Variants in ASIC2 observed in about 807,000 individuals in gnomAD.
The protein encoded by ASIC2 is acid-sensing ion channel 2.
ASIC2 carries 25 observed loss-of-function variants against 57.3 expected under a neutral mutation model. The observed-to-expected ratio is 0.44, with a 90% CI of 0.32 to 0.61. The LOEUF (loss-of-function observed/expected upper bound fraction) is 0.61. Ranked by LOEUF, ASIC2 falls within the 20% of genes least tolerant of loss-of-function variation. The probability of loss-of-function intolerance (pLI) is 0.06; values close to 1 mark genes in which losing one functional copy is unlikely to be tolerated. For synonymous variants in ASIC2, 319 were observed against 307.5 expected (o/e 1.04, Z -0.39); for missense variants, 641 against 738.1 (o/e 0.87, Z 1.52).
intron 1 of ASIC2, among the ~76,000 whole-genome samples, chr17:33,803,740 T>A (rs1225949105): frequency 6.6e-6 from 1 of 152,078 alleles, no homozygotes; most frequent in Non-Finnish European, 1.5e-5. Context: ...ACAAGATAAA[T>A]GTGTTCTCCA....
intron 1 of ASIC2, among the ~76,000 whole-genome samples, chr17:33,608,959 A>C (rs1387341644): frequency 6.6e-6 from 1 of 152,156 alleles, no homozygotes; most frequent in Non-Finnish European, 1.5e-5. Flanking sequence ...CTAAAGCAAC[A>C]GGTATCTTAC....
At chr17:33,816,975 C>A (rs1912601798) in intron 1 of ASIC2, among the ~76,000 whole-genome samples, 2 of 152,256 alleles carry the variant, frequency 1.3e-5, no homozygotes, top group African/African-American at 4.8e-5. Context: ...GCCTGCCTGC[C>A]CTCACGGCTG....
At chr17:33,675,315 G>A (rs1055067610) in intron 1 of ASIC2, among the ~76,000 whole-genome samples, 5 of 152,160 alleles carry the variant, frequency 3.3e-5, no homozygotes, top group Non-Finnish European at 5.9e-5. Flanking sequence ...TGTGTTGTAG[G>A]AATGTGAGAG....
chr17:33,108,093 C>T (rs1446358897), intron 2 of ASIC2, among the ~76,000 whole-genome samples: 2 of 152,266 alleles, frequency 1.3e-5, no homozygotes, highest in East Asian at 3.9e-4. Context: ...TCCTGTAAAG[C>T]CAGTGGGTTT....
At chr17:33,338,676 T>G (rs1424763029) in intron 1 of ASIC2, among the ~76,000 whole-genome samples, 1 of 152,206 alleles carries the variant, frequency 6.6e-6, no homozygotes, top group East Asian at 1.9e-4. Flanking sequence ...TTCAATGATT[T>G]GTGGGTCTCC....
intron 1 of ASIC2, among the ~76,000 whole-genome samples, chr17:33,371,811 G>A (rs1454664353): frequency 6.6e-6 from 1 of 152,178 alleles, no homozygotes; most frequent in Non-Finnish European, 1.5e-5. Flanking sequence ...CTTAGAGATT[G>A]TTCTTTAGGG....
intron 1 of ASIC2, among the ~76,000 whole-genome samples, chr17:33,822,522 T>G (rs1003550388): frequency 6.6e-6 from 1 of 152,254 alleles, no homozygotes; most frequent in African/African-American, 2.4e-5. Context: ...TTTTTCACTC[T>G]TTTCTAATAT....
chr17:33,350,345 C>A (rs184765133), intron 1 of ASIC2, among the ~76,000 whole-genome samples: 1 of 152,140 alleles, frequency 6.6e-6, no homozygotes, highest in Non-Finnish European at 1.5e-5. Flanking sequence ...CCTGTGTTCA[C>A]GATCCTTGGG....
intron 1 of ASIC2, among the ~76,000 whole-genome samples, chr17:33,969,389 C>A (rs1280318890): frequency 1.3e-5 from 2 of 152,094 alleles, no homozygotes; most frequent in East Asian, 3.9e-4. Flanking sequence ...CTAGCACAGA[C>A]GATGTTGGTT....
At chr17:33,432,863 A>T (rs543891279) in intron 1 of ASIC2, among the ~76,000 whole-genome samples, 2 of 152,340 alleles carry the variant, frequency 1.3e-5, no homozygotes, top group South Asian at 4.1e-4. Flanking sequence ...ATACCATCTC[A>T]CACCAGTTAG....
chr17:33,507,720 G>C (rs1484617656), intron 1 of ASIC2, among the ~76,000 whole-genome samples: 4 of 152,108 alleles, frequency 2.6e-5, no homozygotes, highest in Non-Finnish European at 5.9e-5. Flanking sequence ...TGGCTAACGT[G>C]GTGAAACCCC....
intron 1 of ASIC2, among the ~76,000 whole-genome samples, chr17:33,713,779 T>G (rs1056200226): frequency 2.0e-5 from 3 of 152,254 alleles, no homozygotes; most frequent in African/African-American, 7.2e-5. Context: ...ATCCAGGGAT[T>G]TTTAATAGCA....
chr17:33,994,293 TG>T (rs1859090348), intron 1 of ASIC2, among the ~76,000 whole-genome samples: 1 of 152,140 alleles, frequency 6.6e-6, no homozygotes, highest in Non-Finnish European at 1.5e-5. Context: ...AAATCACCAA[TG>T]GATTAGGCAC....
chr17:34,155,448 C>T (rs899233182), intron 1 of ASIC2: 1 of 161,116 alleles, frequency 6.2e-6, no homozygotes, highest in Non-Finnish European at 1.3e-5. Flanking sequence ...CCTGCTCCAG[C>T]AAGCTCCCAA....
At chr17:34,100,017 C>T (rs1424925522) in intron 1 of ASIC2, among the ~76,000 whole-genome samples, 5 of 152,112 alleles carry the variant, frequency 3.3e-5, no homozygotes, top group African/African-American at 7.2e-5. Flanking sequence ...ACACTTTCTA[C>T]CTGCTTTGCA....
intron 1 of ASIC2, among the ~76,000 whole-genome samples, chr17:33,226,884 AAATT>A (rs1907899879): frequency 6.6e-6 from 1 of 152,216 alleles, no homozygotes; most frequent in African/African-American, 2.4e-5. Flanking sequence ...AGAAATGATA[AAATT>A]AATTAATATT....
At chr17:34,076,771 G>A (rs2142074296) in intron 1 of ASIC2, among the ~76,000 whole-genome samples, 1 of 152,314 alleles carries the variant, frequency 6.6e-6, no homozygotes, top group South Asian at 2.1e-4. Flanking sequence ...ATGAGGCTCA[G>A]AGCAAAGCCA....
chr17:33,657,868 G>C (rs2142042677), intron 1 of ASIC2, among the ~76,000 whole-genome samples: 1 of 152,160 alleles, frequency 6.6e-6, no homozygotes, highest in Admixed American at 6.5e-5. Context: ...TCTAATAAAG[G>C]CATGATCAGA....
chr17:33,420,099 C>T (rs75678463), intron 1 of ASIC2, among the ~76,000 whole-genome samples: 3,663 of 152,218 alleles, frequency 0.024, 68 homozygotes, highest in Non-Finnish European at 0.038. Context: ...TCATAAGCTG[C>T]GCTATATTTC....
Sources: gnomAD v4.1 joint callset for allele counts (sites outside exome capture counted in the v4.1 genomes callset) on GRCh38, gnomAD v4.1.1 for gene constraint, MANE v1.5 for transcripts, NCBI Gene and HGNC (gene_info 2026-07-23, HGNC 2026-07-21) for gene names.